The following CNTN1 variants were observed in gnomAD, a reference collection of about 807,000 sequenced individuals.
CNTN1 encodes the protein contactin-1.
A neutral mutation model predicts 126.4 loss-of-function variants in CNTN1; 38 were observed. The ratio of observed to expected loss-of-function variants is 0.30; its 90% CI spans 0.23 to 0.39. The LOEUF (loss-of-function observed/expected upper bound fraction) is 0.39, where lower values mean the gene tolerates loss of function less well. Among genes scored for constraint, CNTN1 ranks in the 10% least tolerant of loss-of-function variants. The pLI is 1.00. For missense variants in CNTN1, 1,009 were observed against 1,248.4 expected, an observed-to-expected ratio of 0.81 and a Z score of 2.89; for synonymous variants, 413 against 422.6, an observed-to-expected ratio of 0.98 and a Z score of 0.28.
chr12:40,906,412 T>C (rs1487263917), intron 1 of CNTN1, among the ~76,000 whole-genome samples: 2 of 152,182 alleles, frequency 1.3e-5, no homozygotes, highest in African/African-American at 4.8e-5. Flanking sequence ...AATATGTTTA[T>C]CCTGGCCCAT....
At chr12:40,844,068 G>GTTTTTTTTTTTTTTTTTTTTTTTT (rs1424373022) in intron 1 of CNTN1, among the ~76,000 whole-genome samples, 14 of 40,214 alleles carry the variant, frequency 3.5e-4, no homozygotes, top group Non-Finnish European at 6.3e-4. Flanking sequence ...TTGGCACAAT[G>GTTTTTTTTTTTTTTTTTTTTTTTT]ATTTTTTTTT....
At chr12:40,999,108 C>G in intron 17 of CNTN1, among the ~76,000 whole-genome samples, 1 of 152,010 alleles carries the variant, frequency 6.6e-6, no homozygotes, top group South Asian at 2.1e-4. Flanking sequence ...GCATTAATTT[C>G]TTTTCATGGG....
At chr12:40,916,793 C>T (rs902499705) in intron 3 of CNTN1, among the ~76,000 whole-genome samples, 16 of 151,898 alleles carry the variant, frequency 1.1e-4, no homozygotes, top group African/African-American at 2.9e-4. Flanking sequence ...TCTGAATGTA[C>T]GAGCCCTGTA....
intron 1 of CNTN1, among the ~76,000 whole-genome samples, chr12:40,817,127 AT>A (rs1053097739): frequency 1.3e-5 from 2 of 152,178 alleles, no homozygotes; most frequent in Non-Finnish European, 2.9e-5. Flanking sequence ...TATTCTGTTG[AT>A]TTGGAGTAGG....
At chr12:40,958,047 T>C (rs1013260312) in intron 14 of CNTN1, among the ~76,000 whole-genome samples, 1 of 152,188 alleles carries the variant, frequency 6.6e-6, no homozygotes, top group East Asian at 1.9e-4. Context: ...ATCAATATTT[T>C]TGGTTCATAG....
In CNTN1 at chr12:40,890,794, G is replaced by A. The variant is rs569970962; in HGVS notation, c.-76-17563G>A. On this transcript the variant is annotated intron_variant, in intron 1 of 23. Coordinates refer to ENST00000551295, the MANE Select transcript of CNTN1 (RefSeq NM_001843.4). ...CAATTTTTGGCAATTATTAATTAAG[G>A]TGCTATAAACATCCTTGTGCCAGTT... is the stretch of plus-strand genomic sequence containing the variant. Among the ~76,000 whole-genome samples, 3 of 152,168 alleles carry A rather than the reference G, an allele frequency of 2.0e-5. No individual in the cohort carries two copies. The South Asian group carries it at 6.2e-4, about 32-fold the overall frequency.
chr12:40,868,025 C>A (rs1194670077), intron 1 of CNTN1, among the ~76,000 whole-genome samples: 2 of 151,718 alleles, frequency 1.3e-5, no homozygotes, highest in African/African-American at 4.8e-5. Flanking sequence ...CTGGTTTTAG[C>A]TTTACTACTG....
At chr12:40,854,824 G>A (rs936925126) in intron 1 of CNTN1, among the ~76,000 whole-genome samples, 5 of 152,094 alleles carry the variant, frequency 3.3e-5, no homozygotes, top group African/African-American at 1.2e-4. Context: ...AGGAGAAAAA[G>A]TGGAGGAAGA....
intron 1 of CNTN1, among the ~76,000 whole-genome samples, chr12:40,826,719 G>A (rs925377709): frequency 5.9e-5 from 9 of 152,184 alleles, no homozygotes; most frequent in African/African-American, 2.2e-4. Context: ...CACCAAGGGT[G>A]AACACCTCCC....
intron 1 of CNTN1, among the ~76,000 whole-genome samples, chr12:40,706,398 G>A (rs1490679472): frequency 6.6e-6 from 1 of 151,638 alleles, no homozygotes; most frequent in Non-Finnish European, 1.5e-5. Flanking sequence ...CTTCTCCCAG[G>A]CAGATCGACA....
chr12:40,949,369 C>A (rs1250958540), intron 14 of CNTN1, among the ~76,000 whole-genome samples: 1 of 150,956 alleles, frequency 6.6e-6, no homozygotes, highest in Non-Finnish European at 1.5e-5. Context: ...GTGCGCTGCA[C>A]CCACTAACTC....
intron 16 of CNTN1, among the ~76,000 whole-genome samples, chr12:40,982,303 T>C (rs1947840776): frequency 6.6e-6 from 1 of 152,182 alleles, no homozygotes; most frequent in Non-Finnish European, 1.5e-5. Context: ...AAAAACCTTT[T>C]AGATACTTTA....
intron 6 of CNTN1, among the ~76,000 whole-genome samples, chr12:40,927,401 T>C (rs1945733083): frequency 6.6e-6 from 1 of 152,042 alleles, no homozygotes; most frequent in Admixed American, 6.6e-5. Flanking sequence ...AGAGTCAGCG[T>C]GGCTATTGCT....
intron 15 of CNTN1, among the ~76,000 whole-genome samples, chr12:40,961,782 A>G (rs1442625015): frequency 6.6e-6 from 1 of 152,112 alleles, no homozygotes; most frequent in African/African-American, 2.4e-5. Context: ...AAAAGAATAA[A>G]ATACTAATAC....
chr12:40,789,127 T>C (rs7135780), intron 1 of CNTN1, among the ~76,000 whole-genome samples: 137,750 of 152,102 alleles, frequency 0.91, 62,510 homozygotes, highest in Middle Eastern at 0.95. Context: ...GAGATTGATT[T>C]TTTCCATATA....
chr12:40,705,912 G>A (rs1310780127), intron 1 of CNTN1, among the ~76,000 whole-genome samples: 1 of 151,746 alleles, frequency 6.6e-6, no homozygotes, highest in Non-Finnish European at 1.5e-5. Context: ...TTAACAACCA[G>A]ATCGGTCAAA....
At chr12:40,766,628 A>G (rs1939110077) in intron 1 of CNTN1, among the ~76,000 whole-genome samples, 1 of 152,178 alleles carries the variant, frequency 6.6e-6, no homozygotes, top group Non-Finnish European at 1.5e-5. Flanking sequence ...GATGCACCCC[A>G]ATAGGGTGTT....
At chr12:40,833,197 C>A (rs7980964) in intron 1 of CNTN1, among the ~76,000 whole-genome samples, 1 of 151,846 alleles carries the variant, frequency 6.6e-6, no homozygotes, top group Non-Finnish European at 1.5e-5. Flanking sequence ...CAAGTTCAAG[C>A]GACTCTTCTG....
Position 40,980,716 on chromosome 12 carries a change from TAC to T in CNTN1, c.1805-191_1805-190del, listed in dbSNP as rs148794473. ...ATTTATCCCCTTCCTTAAAAAGAGATACATGAAATCATTCAGTGAAAACTACA... is the reference window on the plus strand; with the variant it reads ...ATTTATCCCCTTCCTTAAAAAGAGATATGAAATCATTCAGTGAAAACTACA... On this transcript the variant is annotated intron_variant, in intron 15 of 23. Transcript: ENST00000551295. Among the ~76,000 whole-genome samples the T allele has an allele frequency of 4.6e-3, 695 of 152,300 alleles. 4 individuals are homozygous for T. The highest frequency in any genetic ancestry group is 0.016 in the African/African-American group (670 of 41,574).
Sources: allele counts gnomAD v4.1 joint callset (sites outside exome capture counted in the v4.1 genomes callset), GRCh38; gene constraint gnomAD v4.1.1; transcripts MANE v1.5; gene names NCBI Gene and HGNC (gene_info 2026-07-23, HGNC 2026-07-21).